BMS1: variants seen among roughly 807,000 people sequenced by gnomAD.
BMS1 encodes the protein BMS1 ribosome biogenesis factor.
In BMS1, 53 loss-of-function variants were observed where a neutral mutation model predicts 138.7. The observed-to-expected ratio is 0.38, with a 90% CI of 0.31 to 0.48. The LOEUF (loss-of-function observed/expected upper bound fraction) is 0.48. Ranked by LOEUF, BMS1 falls within the 20% of genes least tolerant of loss-of-function variation. BMS1 has a pLI of 0.97. For synonymous variants in BMS1, 504 were observed against 539.9 expected (o/e 0.93, Z 0.92); for missense variants, 1,360 against 1,565.5 (o/e 0.87, Z 2.22).
intron 9 of BMS1, among the ~76,000 whole-genome samples, chr10:42,795,177 G>T (rs550074502): frequency 1.5e-3 from 233 of 151,900 alleles, no homozygotes; most frequent in Non-Finnish European, 3.1e-3. Context: ...TGGACATTTG[G>T]GTTGGTTCCA....
chr10:42,811,623 C>T (rs1473596497), intron 13 of BMS1, among the ~76,000 whole-genome samples: 1 of 136,506 alleles, frequency 7.3e-6, no homozygotes, highest in Non-Finnish European at 1.5e-5. Context: ...CTCCTGGGTT[C>T]ACGCCATTCT....
At chr10:42,819,884 C>T (rs1262219590) in intron 15 of BMS1, among the ~76,000 whole-genome samples, 5 of 152,096 alleles carry the variant, frequency 3.3e-5, no homozygotes, top group Admixed American at 1.3e-4. Context: ...CTCCGTCTCC[C>T]GGGTTCAAGC....
intron 21 of BMS1, among the ~76,000 whole-genome samples, chr10:42,829,729 G>A (rs1588764826): frequency 1.3e-5 from 2 of 151,700 alleles, no homozygotes; most frequent in Non-Finnish European, 2.9e-5. Context: ...GGCTGAGACA[G>A]GAGAATTGCT....
At position 42,832,420 on chromosome 10, in the gene BMS1, GT is replaced by G. The variant is rs1842816598; in HGVS notation, c.*1327del. The G allele has an allele frequency of 7.3e-5, 1 of 13,772 alleles. No homozygotes were observed. The highest frequency in any genetic ancestry group is 2.2e-3 in the South Asian group (1 of 456). The allele number at this position is 13,772 out of a possible 1,614,324, so 0.9% of individuals were successfully genotyped here. A position where few individuals can be genotyped will look rare whatever the true frequency, so the allele number is the denominator to read the frequency against. ...AGCCTGGGCGACAGGGCAAGACCCT[GT>G]TTCAAAAAAAAAAAATTATACATAT... On this transcript the variant is annotated 3_prime_UTR_variant, in exon 23 of 23. Transcript: ENST00000374518.
In BMS1 at chr10:42,796,504, G is replaced by T. The variant is rs763458234; in HGVS notation, c.1260G>T (p.Met420Ile). 3 of 1,613,446 alleles carry T rather than the reference G, an allele frequency of 1.9e-6. No homozygotes were observed. Among genetic ancestry groups the T allele is most frequent in the Non-Finnish European group, 2.5e-6 (3 of 1,179,440 alleles). The change falls in exon 10 of 23, where the codon ATG (methionine) becomes ATT (isoleucine). Residue 420 changes from methionine to isoleucine, a missense_variant. Physicochemically the swap from Met to Ile is conservative, Grantham distance 10 (BLOSUM62 1). Transcript: ENST00000374518. Reference sequence around the variant, plus strand: ...TGATGCCAAAGGAGGAAAAACAAATGGACTTGAACACTGGTCGAATGCGTC... The same window carrying T: ...TGATGCCAAAGGAGGAAAAACAAATTGACTTGAACACTGGTCGAATGCGTC... ...GLMMPKEEKQMDLNTGRMRRK... is the reference protein window; with the variant it reads ...GLMMPKEEKQIDLNTGRMRRK...
chr10:42,787,132 C>G (rs1185353654), intron 3 of BMS1, 36 bp from the exon 4 acceptor site: 1 of 754,240 alleles, frequency 1.3e-6, no homozygotes, highest in Non-Finnish European at 2.3e-6. Context: ...TTTTCAGGGT[C>G]TTTTTAAAGT....
chr10:42,789,888 A>G (rs1399747151), intron 4 of BMS1, among the ~76,000 whole-genome samples: 1 of 152,228 alleles, frequency 6.6e-6, no homozygotes, highest in African/African-American at 2.4e-5. Flanking sequence ...TTTCTTAGGT[A>G]AGGGCCAGGT....
rs368570049 is a variant in BMS1 at position 42,830,210 on chromosome 10, T to C, written c.3457-51T>C. 3.1e-6 allele frequency: 5 copies of C among 1,590,686 alleles called. No individual in the cohort carries two copies. The South Asian group carries it at 5.8e-5, about 18-fold the overall frequency. On this transcript the variant is annotated intron_variant, in intron 21 of 22. Transcript: ENST00000374518. ...GAAGATTTTATGCAGAAGTTTTAAA[T>C]GCACATTGATCATAATTTGAATATG...
Position 42,820,512 on chromosome 10 carries a change from G to T in BMS1, c.2774G>T (p.Arg925Leu). Reference protein sequence around the residue: ...SEGNVGYVQMRLKKHRWYKKI... With the variant: ...SEGNVGYVQMLLKKHRWYKKI... Reference sequence around the variant, plus strand: ...CTTACCCTCTCGTCCCCTCAGATGCGTCTGAAGAAACATCGCTGGTATAAG... The same window carrying T: ...CTTACCCTCTCGTCCCCTCAGATGCTTCTGAAGAAACATCGCTGGTATAAG... Residue 925 changes from arginine to leucine, a missense_variant, in exon 17 of 23, where the codon CGT (arginine) becomes CTT (leucine). By Grantham distance (102) the Arg-to-Leu change is moderately radical. This residue lies in a region of BMS1 where 425 missense variants were observed against 568.3 expected (regional missense o/e 0.75). Transcript: ENST00000374518. 9 of 1,610,416 alleles carry T rather than the reference G, an allele frequency of 5.6e-6. No homozygotes were observed. The highest frequency in any genetic ancestry group is 7.6e-6 in the Non-Finnish European group (9 of 1,179,196).
chr10:42,818,490 C>T (rs1164915020), intron 15 of BMS1, among the ~76,000 whole-genome samples: 1 of 152,112 alleles, frequency 6.6e-6, no homozygotes, highest in African/African-American at 2.4e-5. Context: ...GAGTCAAACC[C>T]GGATAGACTT....
chr10:42,813,308 G>C (rs1193913026), intron 13 of BMS1, among the ~76,000 whole-genome samples: 1 of 152,084 alleles, frequency 6.6e-6, no homozygotes, highest in African/African-American at 2.4e-5. Flanking sequence ...TTACATAATT[G>C]CTTATGTCTG....
intron 4 of BMS1, among the ~76,000 whole-genome samples, chr10:42,788,765 A>G (rs186267654): frequency 4.9e-4 from 74 of 152,312 alleles, no homozygotes; most frequent in Non-Finnish European, 9.3e-4. Flanking sequence ...GGTGCACACA[A>G]TGTGCATTTT....
At chr10:42,822,271 A>G (rs981456653) in intron 19 of BMS1, 87 bp downstream of exon 19, 1 of 806,236 alleles carries the variant, frequency 1.2e-6, no homozygotes, top group Non-Finnish European at 1.9e-6. Flanking sequence ...TGGGCCTCAT[A>G]TTTTTATAAA....
chr10:42,792,654 G>T, intron 7 of BMS1, 40 bp downstream of exon 7: 2 of 1,574,460 alleles, frequency 1.3e-6, no homozygotes, highest in Non-Finnish European at 1.7e-6. Flanking sequence ...TTACACATAG[G>T]ATTCTTGGGA....
At chr10:42,817,579 C>A in intron 15 of BMS1, 85 bp downstream of exon 15, 1 of 1,318,442 alleles carries the variant, frequency 7.6e-7, no homozygotes, top group Non-Finnish European at 1.0e-6. Flanking sequence ...TCCCTACGTC[C>A]TATCCTGCTT....
chr10:42,784,218 G>GT, intron 1 of BMS1, 144 bp from the exon 2 acceptor site: 1 of 526,426 alleles, frequency 1.9e-6, no homozygotes, highest in Non-Finnish European at 3.2e-6. Context: ...ATTGGGGATG[G>GT]TTAAGCAGTT....
rs1446173345 is a variant in BMS1, at chr10:42,813,704, T to C, written c.2330-2895T>C. Among the ~76,000 whole-genome samples, 6 of 152,340 alleles carry C rather than the reference T, an allele frequency of 3.9e-5. No individual in the cohort carries two copies. The East Asian group carries it at 1.2e-3, about 29-fold the overall frequency. ...ATTCATCCCTTCTGCATAAGAACTT[T>C]CTGTAGCCATTTTTTTATTTTGATT... On this transcript the variant is annotated intron_variant, in intron 13 of 22. Transcript: ENST00000374518.
chr10:42,822,293 T>A lies in BMS1; in HGVS notation c.3132+109T>A. ...CATATTTTTATAAAAGTGTTTGAAA[T>A]CTTTTATAAACTTCATATTTTGTTT... On this transcript the variant is annotated intron_variant, in intron 19 of 22. Transcript: ENST00000374518. 6.2e-6 allele frequency: 4 copies of A among 642,252 alleles called. 1 individual carries two copies. The highest frequency in any genetic ancestry group is 7.6e-6 in the Non-Finnish European group (3 of 395,454). 39.8% of individuals were successfully genotyped at this position (642,252 alleles called of 1,614,324 possible). A position where few individuals can be genotyped will look rare whatever the true frequency, so the allele number is the denominator to read the frequency against.
Position 42,796,485 on chromosome 10 carries a change from C to T in BMS1, c.1241C>T (p.Pro414Leu). 1 of 1,611,768 alleles carries T rather than the reference C, an allele frequency of 6.2e-7. No homozygotes were observed. The highest frequency in any genetic ancestry group is 1.3e-5 in the African/African-American group (1 of 74,916). Residue 414 changes from proline to leucine, a missense_variant, in exon 10 of 23, where the codon CCA (proline) becomes CTA (leucine). Physicochemically the swap from Pro to Leu is moderately conservative, Grantham distance 98 (BLOSUM62 -3). Around this residue, in one of 3 missense-constraint regions of BMS1, gnomAD observed 697 missense variants for 686.2 expected, o/e 1.02. Coordinates refer to ENST00000374518, the MANE Select transcript of BMS1 (RefSeq NM_014753.4). ...EDIDNQGLMM[P>L]KEEKQMDLNT... ...CCTTGGTAATACAGGCTAATGATGC[C>T]AAAGGAGGAAAAACAAATGGACTTG...
Sources: allele counts gnomAD v4.1 joint callset (sites outside exome capture counted in the v4.1 genomes callset), GRCh38; gene constraint gnomAD v4.1.1; regional missense constraint gnomAD v4.1.1; transcripts MANE v1.5; gene names NCBI Gene and HGNC (gene_info 2026-07-23, HGNC 2026-07-21).